Variants in SOX5 observed in about 807,000 individuals in gnomAD.
SOX5 encodes SRY-box transcription factor 5.
SOX5 carries 9 observed loss-of-function variants against 92.0 expected under a neutral mutation model. That is an observed-to-expected ratio of 0.10 (90% CI 0.06 to 0.17). The LOEUF (loss-of-function observed/expected upper bound fraction) is 0.17. SOX5 is among the 10% of genes least tolerant of loss of function. The pLI is 1.00. For synonymous variants in SOX5, 344 were observed against 336.3 expected, an observed-to-expected ratio of 1.02 and a Z score of -0.25; for missense variants, 642 against 944.5, an observed-to-expected ratio of 0.68 and a Z score of 4.20.
chr12:23,962,535 T>C (rs1433797221), intron 4 of SOX5, among the ~76,000 whole-genome samples: 1 of 152,192 alleles, frequency 6.6e-6, no homozygotes, highest in Admixed American at 6.5e-5. Flanking sequence ...AATTTAAAAA[T>C]GTCTAAAATA....
At chr12:24,263,347 G>C (rs1942465971) in intron 3 of SOX5, among the ~76,000 whole-genome samples, 2 of 151,734 alleles carry the variant, frequency 1.3e-5, no homozygotes, top group African/African-American at 2.4e-5. Flanking sequence ...CTAACACGGT[G>C]AAACCCCGTC....
intron 1 of SOX5, among the ~76,000 whole-genome samples, chr12:24,462,665 G>C (rs1943773824): frequency 6.6e-6 from 1 of 152,146 alleles, no homozygotes; most frequent in Non-Finnish European, 1.5e-5. Flanking sequence ...TGACGTAAAT[G>C]AACACCCTGC....
At chr12:24,268,702 C>G (rs559706542) in intron 3 of SOX5, among the ~76,000 whole-genome samples, 87 of 152,114 alleles carry the variant, frequency 5.7e-4, no homozygotes, top group African/African-American at 2.0e-3. Flanking sequence ...GCATCAGGAG[C>G]CTTTATTTGT....
rs114181357 is a variant in SOX5 at position 24,485,586 on chromosome 12, C to A, written c.-251+76743G>T. On this transcript the variant is annotated intron_variant, in intron 1 of 4. Coordinates refer to the SOX5 transcript ENST00000446891. ...GTAAAATGCTTACAATAACAAGTAC[C>A]CTTCCCATTTGTTGTGATGACTAGG... 6.4e-3 allele frequency among the ~76,000 whole-genome samples: 966 copies of A among 152,118 alleles called. 11 individuals are homozygous for A. Among genetic ancestry groups the A allele is most frequent in the African/African-American group, 0.022 (918 of 41,488 alleles).
At chr12:24,290,620 C>G (rs546306795) in intron 2 of SOX5, among the ~76,000 whole-genome samples, 6 of 152,250 alleles carry the variant, frequency 3.9e-5, no homozygotes, top group African/African-American at 1.2e-4. Flanking sequence ...CTAAACTTTC[C>G]TTTTCTGCCT....
chr12:24,125,165 C>T (rs560158725), intron 4 of SOX5, among the ~76,000 whole-genome samples: 168 of 152,268 alleles, frequency 1.1e-3, no homozygotes, highest in Middle Eastern at 3.4e-3. Context: ...GAATTTATTA[C>T]ATAGGCCAAA....
chr12:23,557,512 T>C (rs1348526495), intron 11 of SOX5, among the ~76,000 whole-genome samples: 2 of 152,242 alleles, frequency 1.3e-5, no homozygotes, highest in Non-Finnish European at 2.9e-5. Context: ...CTTATTTTTG[T>C]GAGTGACATC....
At chr12:23,829,653 G>T (rs182177972) in intron 3 of SOX5, among the ~76,000 whole-genome samples, 1 of 152,152 alleles carries the variant, frequency 6.6e-6, no homozygotes, top group Non-Finnish European at 1.5e-5. Context: ...ATTTATCTGA[G>T]GGACTTAAGA....
chr12:23,569,526 C>A lies in SOX5; in HGVS notation c.1343-6123G>T, dbSNP rs1947770193. Among the ~76,000 whole-genome samples, 5 of 152,024 alleles carry A rather than the reference C, an allele frequency of 3.3e-5. No homozygotes were observed. The South Asian group carries it at 1.0e-3, about 31-fold the overall frequency. ...GAAAATCATCATTCTGAGATAAGTC[C>A]CAAACTCTTTCACAAGGCCTAAGAG... On this transcript the variant is annotated intron_variant, in intron 10 of 14. Transcript: ENST00000451604.
intron 3 of SOX5, among the ~76,000 whole-genome samples, chr12:24,225,393 G>T (rs914471656): frequency 6.6e-6 from 1 of 151,636 alleles, no homozygotes; most frequent in East Asian, 1.9e-4. Context: ...GTCATTTAGG[G>T]AAGAAAATTG....
chr12:24,365,810 T>A (rs532273259), intron 2 of SOX5, among the ~76,000 whole-genome samples: 1 of 152,020 alleles, frequency 6.6e-6, no homozygotes, highest in Non-Finnish European at 1.5e-5. Flanking sequence ...GTTGCCAGTG[T>A]AAAGTGCTTA....
intron 9 of SOX5, among the ~76,000 whole-genome samples, chr12:23,594,944 C>T (rs1451099718): frequency 1.3e-5 from 2 of 152,156 alleles, no homozygotes; most frequent in East Asian, 1.9e-4. Flanking sequence ...AAAGCTCTCT[C>T]CCAAGAAGAT....
At chr12:24,130,417 G>A (rs1018057202) in intron 4 of SOX5, among the ~76,000 whole-genome samples, 1 of 152,178 alleles carries the variant, frequency 6.6e-6, no homozygotes, top group Admixed American at 6.5e-5. Flanking sequence ...AGGGCAGGTG[G>A]TATAAAATCA....
intron 3 of SOX5, among the ~76,000 whole-genome samples, chr12:23,776,453 T>G (rs572652659): frequency 2.0e-5 from 3 of 152,252 alleles, no homozygotes; most frequent in African/African-American, 7.2e-5. Flanking sequence ...GAAGAAACTA[T>G]AGAAACAGAA....
At chr12:23,985,242 T>TTTTATTTA (rs149488251) in intron 4 of SOX5, among the ~76,000 whole-genome samples, 89,686 of 149,060 alleles carry the variant, frequency 0.6, 27,240 homozygotes, top group Non-Finnish European at 0.63. Context: ...TTTTTTTGAA[T>TTTTATTTA]TTTATTTATT....
rs1031180381 is a variant in SOX5, at chr12:24,518,069, T to C, written c.-251+44260A>G. Among the ~76,000 whole-genome samples, 14 of 102,526 alleles carry C rather than the reference T, an allele frequency of 1.4e-4. No individual in the cohort carries two copies. The Admixed American group carries it at 1.5e-3, about 11-fold the overall frequency. 67.3% of individuals were successfully genotyped at this position (102,526 alleles called of 152,430 possible). On this transcript the variant is annotated intron_variant, in intron 1 of 4. Coordinates refer to the SOX5 transcript ENST00000446891. ...TTAATCAAAAATTTTATTAACACTT[T>C]AGACTTTTTTTTTTTTTGAGGCAGG...
chr12:24,552,983 G>A (rs901494729), intron 1 of SOX5, among the ~76,000 whole-genome samples: 20 of 152,240 alleles, frequency 1.3e-4, no homozygotes, highest in African/African-American at 4.6e-4. Context: ...AGTGAGCCAT[G>A]ATTGTGCCAC....
intron 4 of SOX5, among the ~76,000 whole-genome samples, chr12:24,100,497 G>T (rs979669970): frequency 6.6e-6 from 1 of 151,962 alleles, no homozygotes; most frequent in African/African-American, 2.4e-5. Context: ...TTCTTTCTCA[G>T]TCTTGTTCCA....
chr12:23,815,443 CCAAT>C (rs1297624389), intron 3 of SOX5, among the ~76,000 whole-genome samples: 1 of 152,140 alleles, frequency 6.6e-6, no homozygotes, highest in Non-Finnish European at 1.5e-5. Context: ...CTAATCAACA[CCAAT>C]AATAAAACTG....
Sources: gnomAD v4.1 joint callset for allele counts (sites outside exome capture counted in the v4.1 genomes callset) on GRCh38, gnomAD v4.1.1 for gene constraint, MANE v1.5 for transcripts, NCBI Gene and HGNC (gene_info 2026-07-23, HGNC 2026-07-21) for gene names.